The following FTO variants were observed in gnomAD, a reference collection of about 807,000 sequenced individuals.
The protein encoded by FTO is FTO alpha-ketoglutarate dependent dioxygenase.
FTO carries 47 observed loss-of-function variants against 63.9 expected under a neutral mutation model. The ratio of observed to expected loss-of-function variants is 0.74; its 90% CI spans 0.58 to 0.94. The LOEUF (loss-of-function observed/expected upper bound fraction) is 0.94. Ranked by LOEUF, FTO falls within the 40% of genes least tolerant of loss-of-function variation. The pLI is 0.00. For synonymous variants in FTO, 207 were observed against 224.4 expected, an observed-to-expected ratio of 0.92 and a Z score of 0.69; for missense variants, 562 against 618.1, an observed-to-expected ratio of 0.91 and a Z score of 0.96.
intron 1 of FTO, among the ~76,000 whole-genome samples, chr16:53,743,475 T>A (rs1410915560): frequency 6.6e-6 from 1 of 151,308 alleles, no homozygotes; most frequent in African/African-American, 2.4e-5. Context: ...CGCTGATGTT[T>A]AGGTAACAGA....
chr16:53,761,350 C>T (rs138133371), intron 1 of FTO, among the ~76,000 whole-genome samples: 19 of 152,020 alleles, frequency 1.2e-4, no homozygotes, highest in Non-Finnish European at 2.2e-4. Context: ...GATTCTCCCA[C>T]CTTGGCCTCC....
intron 2 of FTO, among the ~76,000 whole-genome samples, chr16:53,812,416 T>C (rs1342787048): frequency 6.6e-6 from 1 of 152,060 alleles, no homozygotes; most frequent in Non-Finnish European, 1.5e-5. Flanking sequence ...AGAGACATGG[T>C]TTCACCATGT....
intron 1 of FTO, among the ~76,000 whole-genome samples, chr16:53,752,749 A>C (rs1310661373): frequency 1.3e-5 from 2 of 152,190 alleles, no homozygotes; most frequent in Non-Finnish European, 2.9e-5. Flanking sequence ...GTGTGGCAGC[A>C]GTGTATCTGC....
chr16:53,981,055 T>C (rs1234323327), intron 8 of FTO, among the ~76,000 whole-genome samples: 1 of 152,166 alleles, frequency 6.6e-6, no homozygotes, highest in Non-Finnish European at 1.5e-5. Flanking sequence ...CTGGGAACCT[T>C]GGCTCACACC....
chr16:53,742,815 T>C (rs2076556266), intron 1 of FTO, among the ~76,000 whole-genome samples: 1 of 152,184 alleles, frequency 6.6e-6, no homozygotes, highest in Non-Finnish European at 1.5e-5. Flanking sequence ...AACTAGGTTG[T>C]TGAAGGAGCG....
chr16:53,888,770 A>G, intron 6 of FTO, 62 bp from the exon 7 acceptor site: 1 of 1,589,474 alleles, frequency 6.3e-7, no homozygotes, highest in Admixed American at 1.7e-5. Context: ...AGACGAAGTC[A>G]TTGTCCTCGC....
intron 8 of FTO, among the ~76,000 whole-genome samples, chr16:54,108,733 C>T (rs1414657915): frequency 1.3e-5 from 2 of 152,166 alleles, no homozygotes; most frequent in African/African-American, 4.8e-5. Context: ...TTCACATCAA[C>T]CCCATAAGTA....
Position 53,828,283 on chromosome 16 carries a change from G to A in FTO, c.751+1792G>A, listed in dbSNP as rs184370602. Among the ~76,000 whole-genome samples, 577 of 151,994 alleles carry A rather than the reference G, an allele frequency of 3.8e-3. 2 individuals are homozygous for A. Among genetic ancestry groups the A allele is most frequent in the African/African-American group, 0.013 (524 of 41,476 alleles). On this transcript the variant is annotated intron_variant, in intron 3 of 8. Coordinates refer to ENST00000471389, the MANE Select transcript of FTO (RefSeq NM_001080432.3). ...CGCCCAGGCTGGAGTGCAGTGGTGC[G>A]ATCTCCACTCACTGCAAGCTCCGCC... is the stretch of plus-strand genomic sequence containing the variant.
chr16:54,097,771 C>G (rs1230834117), intron 8 of FTO, among the ~76,000 whole-genome samples: 1 of 152,166 alleles, frequency 6.6e-6, no homozygotes, highest in Non-Finnish European at 1.5e-5. Flanking sequence ...CAAATGGCAT[C>G]AAGTGCTACA....
intron 2 of FTO, among the ~76,000 whole-genome samples, chr16:53,812,828 G>T (rs985551771): frequency 6.6e-6 from 1 of 152,142 alleles, no homozygotes; most frequent in Non-Finnish European, 1.5e-5. Context: ...CAGATTATCT[G>T]CAGTGAAGGT....
chr16:53,763,088 A>C (rs1054859030), intron 1 of FTO, among the ~76,000 whole-genome samples: 30 of 152,222 alleles, frequency 2.0e-4, no homozygotes, highest in Non-Finnish European at 3.4e-4. Context: ...AGAGAAAATT[A>C]ACATAAAGGA....
intron 8 of FTO, 50 bp downstream of exon 8, chr16:53,934,159 A>G (rs1216476474): frequency 6.2e-7 from 1 of 1,608,224 alleles, no homozygotes; most frequent in Non-Finnish European, 8.5e-7. Flanking sequence ...AACAAGAACT[A>G]TATTTGGCCA....
At position 54,111,760 on chromosome 16, in the gene FTO, A is replaced by G; in HGVS notation, c.1365-2A>G. 1 of 1,614,084 alleles carries G rather than the reference A, an allele frequency of 6.2e-7. No individual in the cohort carries two copies. The highest frequency in any genetic ancestry group is 8.5e-7 in the Non-Finnish European group (1 of 1,179,988). On this transcript the variant is annotated splice_acceptor_variant, in intron 8 of 8. Transcript: ENST00000471389. LOFTEE classifies it high-confidence loss of function. ...ATTAATTTCCTATTTTTACTCTTCC[A>G]GGTGCCAGTCACGAATTGCCCGAAC...
chr16:53,880,840 A>G (rs1421910986), intron 6 of FTO, among the ~76,000 whole-genome samples: 2 of 150,164 alleles, frequency 1.3e-5, no homozygotes. Flanking sequence ...GTGGTGGCTC[A>G]CGCCTATAAT....
intron 8 of FTO, among the ~76,000 whole-genome samples, chr16:53,986,870 T>C (rs780214585): frequency 6.6e-6 from 1 of 152,252 alleles, no homozygotes; most frequent in Non-Finnish European, 1.5e-5. Flanking sequence ...ACTCAAATTC[T>C]GTCTGCTGTA....
intron 3 of FTO, among the ~76,000 whole-genome samples, chr16:53,843,844 T>C (rs1342477104): frequency 6.6e-6 from 1 of 151,348 alleles, no homozygotes; most frequent in Non-Finnish European, 1.5e-5. Context: ...GAGATGGGGG[T>C]CTTGATTTCT....
At chr16:53,739,355 G>A (rs1018813362) in intron 1 of FTO, among the ~76,000 whole-genome samples, 15 of 150,414 alleles carry the variant, frequency 1.0e-4, no homozygotes, top group South Asian at 2.1e-4. Context: ...ATAGGCGCCC[G>A]CCACCACACC....
At chr16:53,798,781 C>A (rs1247539273) in intron 1 of FTO, among the ~76,000 whole-genome samples, 2 of 152,130 alleles carry the variant, frequency 1.3e-5, no homozygotes, top group African/African-American at 4.8e-5. Context: ...CGGGCTAGAA[C>A]CTTCAGTACA....
chr16:53,918,551 T>C (rs2081937169), intron 7 of FTO, among the ~76,000 whole-genome samples: 1 of 152,218 alleles, frequency 6.6e-6, no homozygotes, highest in Admixed American at 6.5e-5. Context: ...ACATGAAGAT[T>C]ATGATAGGCA....
Sources: gnomAD v4.1 joint callset for allele counts (sites outside exome capture counted in the v4.1 genomes callset) on GRCh38, gnomAD v4.1.1 for gene constraint, MANE v1.5 for transcripts, NCBI Gene and HGNC (gene_info 2026-07-23, HGNC 2026-07-21) for gene names.